The following PRKAG2 variants were observed in gnomAD, a reference collection of about 807,000 sequenced individuals.
PRKAG2 encodes 5'-AMP-activated protein kinase subunit gamma-2.
In PRKAG2, 26 loss-of-function variants were observed where a neutral mutation model predicts 69.6. The ratio of observed to expected loss-of-function variants is 0.37; its 90% confidence interval spans 0.27 to 0.52. PRKAG2 has a LOEUF of 0.52. PRKAG2 is among the 20% of genes least tolerant of loss of function. The probability of loss-of-function intolerance (pLI) is 0.90; values close to 1 mark genes in which losing one functional copy is unlikely to be tolerated. For missense variants in PRKAG2, 557 were observed against 740.0 expected, an observed-to-expected ratio of 0.75 and a Z score of 2.87; for synonymous variants, 293 against 285.0, an observed-to-expected ratio of 1.03 and a Z score of -0.28.
intron 3 of PRKAG2, among the ~76,000 whole-genome samples, chr7:151,686,995 A>T (rs1441490849): frequency 1.3e-5 from 2 of 152,238 alleles, no homozygotes; most frequent in Non-Finnish European, 2.9e-5. Context: ...AATCCGGAAA[A>T]TATCCAGTCT....
chr7:151,875,952 C>A (rs1365043473), intron 1 of PRKAG2, among the ~76,000 whole-genome samples: 1 of 152,082 alleles, frequency 6.6e-6, no homozygotes, highest in African/African-American at 2.4e-5. Flanking sequence ...CAGAGGAGAC[C>A]CCCGCTCCAG....
At chr7:151,562,794 C>G (rs983012634) in intron 14 of PRKAG2, among the ~76,000 whole-genome samples, 1 of 150,258 alleles carries the variant, frequency 6.7e-6, no homozygotes, top group East Asian at 2.0e-4. Context: ...GGTGAAACCC[C>G]GTCTCTACTA....
At chr7:151,700,152 C>T (rs572126650) in intron 3 of PRKAG2, among the ~76,000 whole-genome samples, 13 of 152,266 alleles carry the variant, frequency 8.5e-5, no homozygotes, top group African/African-American at 2.9e-4. Context: ...CAAGGGAAAT[C>T]GGGGGTGACG....
At chr7:151,801,716 AAGG>A (rs1476688667) in intron 1 of PRKAG2, among the ~76,000 whole-genome samples, 2 of 152,156 alleles carry the variant, frequency 1.3e-5, no homozygotes, top group African/African-American at 4.8e-5. Flanking sequence ...CTTGTTATAT[AAGG>A]AGGAGAGGGA....
chr7:151,677,950 C>T (rs1319451920), intron 3 of PRKAG2, among the ~76,000 whole-genome samples: 3 of 152,142 alleles, frequency 2.0e-5, no homozygotes, highest in Admixed American at 6.5e-5. Context: ...ATTCGGCAGA[C>T]GTTTTCCTTT....
rs537709008 is a variant in PRKAG2, at chr7:151,745,318, C to T, written c.466+35834G>A. Among the ~76,000 whole-genome samples the T allele has an allele frequency of 2.9e-4, 44 of 152,242 alleles. 1 individual carries two copies. In the Middle Eastern group the frequency reaches 0.014, roughly 47 times the overall value. On this transcript the variant is annotated intron_variant, in intron 3 of 15. Transcript: ENST00000287878. The stretch of plus-strand genomic sequence containing the variant: ...CACATATTTGCCAGAGCTCTCCTGC[C>T]GGTTGCAAAATACTGTGTCATGTTT...
intron 4 of PRKAG2, among the ~76,000 whole-genome samples, chr7:151,656,250 G>A (rs547913360): frequency 6.6e-6 from 1 of 152,188 alleles, no homozygotes; most frequent in Non-Finnish European, 1.5e-5. Context: ...TACGTTTCAC[G>A]ACAATAAGAA....
chr7:151,626,127 C>T lies in PRKAG2; in HGVS notation c.754+5942G>A, dbSNP rs1252074592. On this transcript the variant is annotated intron_variant, in intron 5 of 15. Transcript: ENST00000287878. ...GCAATGGCCAGAGGTGCTCAATGCC[C>T]TGGGCCCTGATGACTTTCCAGCTGG... Among the ~76,000 whole-genome samples the T allele has an allele frequency of 2.6e-5, 4 of 152,198 alleles. No individual in the cohort carries two copies. The East Asian group carries it at 7.7e-4, about 29-fold the overall frequency.
chr7:151,786,674 G>A (rs2077026405), intron 1 of PRKAG2, 133 bp from the exon 2 acceptor site: 1 of 764,420 alleles, frequency 1.3e-6, no homozygotes, highest in Non-Finnish European at 2.2e-6. Flanking sequence ...AAGGGATGTG[G>A]ACGTGTTTGC....
chr7:151,720,668 A>G (rs1454633491), intron 3 of PRKAG2, among the ~76,000 whole-genome samples: 1 of 69,680 alleles, frequency 1.4e-5, no homozygotes, highest in African/African-American at 5.9e-5. Context: ...AATGGAGGGG[A>G]TGGAGGGGGA....
At chr7:151,644,446 T>C (rs1313173905) in intron 4 of PRKAG2, among the ~76,000 whole-genome samples, 1 of 152,204 alleles carries the variant, frequency 6.6e-6, no homozygotes, top group Non-Finnish European at 1.5e-5. Flanking sequence ...ACAGTATATG[T>C]GCTTTTGCTC....
At chr7:151,585,214 T>C (rs796308826) in intron 6 of PRKAG2, among the ~76,000 whole-genome samples, 5 of 152,360 alleles carry the variant, frequency 3.3e-5, no homozygotes, top group African/African-American at 1.2e-4. Context: ...ATTTCTGTTA[T>C]AGAATTCTAG....
At chr7:151,852,057 G>T (rs1181204337) in intron 1 of PRKAG2, among the ~76,000 whole-genome samples, 1 of 152,202 alleles carries the variant, frequency 6.6e-6, no homozygotes, top group Non-Finnish European at 1.5e-5. Flanking sequence ...CAGCCTCAAA[G>T]CAAACCCTCA....
chr7:151,842,059 TGGTAGTGATGGTA>T (rs1433067015), intron 1 of PRKAG2, among the ~76,000 whole-genome samples: 2 of 139,380 alleles, frequency 1.4e-5, no homozygotes, highest in Non-Finnish European at 3.1e-5. Flanking sequence ...TAGGTAGGGA[TGGTAGTGATGGTA>T]GGTAGTGATG....
chr7:151,691,342 G>A (rs1223094813), intron 3 of PRKAG2, among the ~76,000 whole-genome samples: 1 of 151,790 alleles, frequency 6.6e-6, no homozygotes, highest in East Asian at 1.9e-4. Context: ...TTTTTGATCT[G>A]AATTGGTTGA....
intron 5 of PRKAG2, among the ~76,000 whole-genome samples, chr7:151,600,338 A>G (rs187667540): frequency 6.6e-6 from 1 of 152,246 alleles, no homozygotes; most frequent in Non-Finnish European, 1.5e-5. Flanking sequence ...TAAGCTAATT[A>G]GCAAAACAAG....
In PRKAG2 at chr7:151,781,152, T is replaced by G; in HGVS notation, c.466A>C (p.Thr156Pro). 6.2e-7 allele frequency: 1 copy of G among 1,613,836 alleles called. No individual in the cohort carries two copies. Among genetic ancestry groups the G allele is most frequent in the Non-Finnish European group, 8.5e-7 (1 of 1,180,018 alleles). ...GIRFFSRSRK[T>P]SGLSSSPSTP... ...TGAAACAATAGCATCAAGGTCTTAC[T>G]TTTTCTGGAGCGGGAGAAAAACCTG... Residue 156 changes from threonine to proline, a missense_variant and splice_region_variant, in exon 3 of 16, where the codon ACC (threonine) becomes CCC (proline). Physicochemically the swap from Thr to Pro is conservative, Grantham distance 38 (BLOSUM62 -1). Coordinates refer to ENST00000287878, the MANE Select transcript of PRKAG2 (RefSeq NM_016203.4). This position sits in a 1 kb window ranked among gnomAD's most constrained non-coding sequence, Gnocchi z 6.1.
At chr7:151,558,632 C>A in intron 15 of PRKAG2, 1 of 971,508 alleles carries the variant, frequency 1.0e-6, no homozygotes, top group Non-Finnish European at 1.2e-6. Context: ...ACTTGTAATC[C>A]AGTTATTAGT....
At chr7:151,779,804 A>G (rs1211034447) in intron 3 of PRKAG2, among the ~76,000 whole-genome samples, 3 of 151,970 alleles carry the variant, frequency 2.0e-5, no homozygotes, top group Non-Finnish European at 4.4e-5. Flanking sequence ...GACAAATCCC[A>G]CCTGTGTGAC....
Sources: allele counts gnomAD v4.1 joint callset (sites outside exome capture counted in the v4.1 genomes callset), GRCh38; gene constraint gnomAD v4.1.1; non-coding constraint Gnocchi (gnomAD v3.1); transcripts MANE v1.5; gene names NCBI Gene and HGNC (gene_info 2026-07-23, HGNC 2026-07-21).